Variants in ZNF385A observed in about 807,000 individuals in gnomAD.
The protein encoded by ZNF385A is hematopoietic zinc finger protein.
In ZNF385A, 14 loss-of-function variants were observed where a neutral mutation model predicts 32.1. The ratio of observed to expected loss-of-function variants is 0.44; its 90% CI spans 0.29 to 0.68. The LOEUF (loss-of-function observed/expected upper bound fraction) is 0.68, where lower values mean the gene tolerates loss of function less well. Among genes scored for constraint, ZNF385A ranks in the 30% least tolerant of loss-of-function variants. The pLI, the probability that ZNF385A is intolerant of heterozygous loss-of-function variation, is 0.14. For missense variants in ZNF385A, 406 were observed against 478.4 expected (o/e 0.85, Z 1.41); for synonymous variants, 197 against 202.7 (o/e 0.97, Z 0.24).
At chr12:54,390,353 C>A (rs914849903) in intron 1 of ZNF385A, among the ~76,000 whole-genome samples, 10 of 152,110 alleles carry the variant, frequency 6.6e-5, no homozygotes, top group African/African-American at 2.2e-4. Context: ...CCCTGGGGCT[C>A]CCTTCCTGAT....
At position 54,374,048 on chromosome 12, in the gene ZNF385A, C is replaced by G; in HGVS notation, c.286G>C (p.Gly96Arg). 1.2e-6 allele frequency: 2 copies of G among 1,601,652 alleles called. No individual in the cohort carries two copies. Among genetic ancestry groups the G allele is most frequent in the Non-Finnish European group, 8.5e-7 (1 of 1,171,762 alleles). ...EAAKTRGREP[G>R]VREPGDPAPP... ...GCTGGGTCTCCAGGTTCTCGGACGC[C>G]AGGCTCCCTGCCTCTGGTCTTGGCA... Residue 96 changes from glycine (G) to arginine (R), a missense_variant, in exon 3 of 7, where the codon GGC becomes CGC. Physicochemically the swap from Gly to Arg is moderately radical, Grantham distance 125. Transcript: ENST00000394313.
Position 54,371,067 on chromosome 12 carries a change from G to C in ZNF385A, c.634C>G (p.Arg212Gly). Residue 212 changes from arginine to glycine, a missense_variant, in exon 5 of 7, where the codon CGA (arginine) becomes GGA (glycine). Arg to Gly is a moderately radical substitution (Grantham distance 125). Transcript: ENST00000394313. Reference sequence around the variant, plus strand: ...GCTTTGATGGGCCCGAGCCCACTTCGGGCCTCCAGAATTGTCTTGTGCTTA... The same window carrying C: ...GCTTTGATGGGCCCGAGCCCACTTCCGGCCTCCAGAATTGTCTTGTGCTTA... ...GTKHKTILEA[R>G]SGLGPIKAYP... 1 of 1,611,920 alleles carries C rather than the reference G, an allele frequency of 6.2e-7. No homozygotes were observed. The highest frequency in any genetic ancestry group is 8.5e-7 in the Non-Finnish European group (1 of 1,179,180).
In ZNF385A at chr12:54,378,055, T is replaced by C. The variant is rs528446145; in HGVS notation, c.88-2101A>G. Among the ~76,000 whole-genome samples the C allele has an allele frequency of 5.3e-5, 8 of 152,176 alleles. No homozygotes were observed. In the South Asian group the frequency reaches 1.7e-3, roughly 32 times the overall value. On this transcript the variant is annotated intron_variant, in intron 1 of 6. Coordinates refer to ENST00000394313, the MANE Select transcript of ZNF385A (RefSeq NM_015481.3). ...TTCCTCCAGGGTGAGAACCTTAGCT[T>C]TTGCACAACCCCCTCCCCTGGTTTA...
At position 54,371,586 on chromosome 12, in the gene ZNF385A, G is replaced by A. The variant is rs1191560816; in HGVS notation, c.491C>T (p.Ala164Val). ...TKGEGGTPAP[A>V]SLPGGSKEEE... ...TTCCTTGCTACCCCCAGGCAAGGAA[G>A]CCGGGGCTGGAGTCCCCCCTTCACC... Residue 164 changes from alanine (A) to valine (V), a missense_variant, in exon 4 of 7, where the codon GCT becomes GTT. Physicochemically the swap from Ala to Val is moderately conservative, Grantham distance 64. Transcript: ENST00000394313. 6.2e-7 allele frequency: 1 copy of A among 1,613,724 alleles called. No homozygotes were observed. Among genetic ancestry groups the A allele is most frequent in the Non-Finnish European group, 8.5e-7 (1 of 1,179,824 alleles).
rs775000290 is a variant in ZNF385A at position 54,371,661 on chromosome 12, C to T, written c.416G>A (p.Gly139Asp). ...CGGAATGCTGGGAGGGGATGGGGAG[C>T]CAGGCTGTTTCTCTGGGGATCCTGG... is the stretch of plus-strand genomic sequence containing the variant. ...PAPGSPEKQP[G>D]SPSPPSIPET... is the part of the protein sequence containing the mutation. The change falls in exon 4 of 7, where the codon GGC (glycine) becomes GAC (aspartate). Residue 139 changes from glycine (G) to aspartate (D), a missense_variant. Transcript: ENST00000394313. 5.0e-6 allele frequency: 8 copies of T among 1,610,130 alleles called. No individual in the cohort carries two copies. Among genetic ancestry groups the T allele is most frequent in the South Asian group, 1.1e-5 (1 of 90,882 alleles).
chr12:54,374,250 G>A (rs1954721968), intron 2 of ZNF385A, 115 bp from the exon 3 acceptor site: 1 of 982,664 alleles, frequency 1.0e-6, no homozygotes, highest in Non-Finnish European at 1.4e-6. Context: ...GAATTTTTCT[G>A]TACACCAGTG....
intron 1 of ZNF385A, among the ~76,000 whole-genome samples, chr12:54,381,959 C>T (rs1489083152): frequency 6.6e-6 from 1 of 152,138 alleles, no homozygotes; most frequent in Non-Finnish European, 1.5e-5. Flanking sequence ...ATCCTTCCTA[C>T]CAAACTATGA....
At chr12:54,384,864 C>A (rs1955389822), upstream of ZNF385A, 2 of 1,123,460 alleles carry the variant, frequency 1.8e-6, no homozygotes, top group African/African-American at 1.6e-5. Context: ...CATACCTTTT[C>A]TGCAGGCTGC....
At position 54,379,023 on chromosome 12, in the gene ZNF385A, C is replaced by T. The variant is rs1205591137; in HGVS notation, c.88-3069G>A. On this transcript the variant is annotated intron_variant, in intron 1 of 6. Transcript: ENST00000394313. ...GGGACGGGGTGGGGGTGCGCTGCGG[C>T]AGCCGCGGGAGTCAGGGAGAGAGGA... The T allele has an allele frequency of 3.0e-5, 29 of 981,114 alleles. No homozygotes were observed. The East Asian group carries it at 1.3e-3, about 43-fold the overall frequency. The allele number at this position is 981,114 out of a possible 1,614,324, so 60.8% of individuals were successfully genotyped here.
At chr12:54,371,442 A>G in intron 4 of ZNF385A, 31 bp downstream of exon 4, 1 of 1,592,714 alleles carries the variant, frequency 6.3e-7, no homozygotes, top group Non-Finnish European at 8.5e-7. Flanking sequence ...TGAGGACAGG[A>G]GAGTCTGGGT....
intron 1 of ZNF385A, among the ~76,000 whole-genome samples, chr12:54,381,974 C>T (rs1955203731): frequency 6.6e-6 from 1 of 152,126 alleles, no homozygotes; most frequent in South Asian, 2.1e-4. Flanking sequence ...CTATGAGCTC[C>T]CCAAGTGTGG....
upstream of ZNF385A, chr12:54,384,811 CT>C: frequency 8.2e-7 from 1 of 1,224,364 alleles, no homozygotes; most frequent in Non-Finnish European, 1.0e-6. Flanking sequence ...TCCAGCCTCC[CT>C]CCCCCAAACT....
chr12:54,386,343 T>TCAGACATACAAACAGAGAGACACTG (rs1294002660), upstream of ZNF385A, among the ~76,000 whole-genome samples: 7 of 151,072 alleles, frequency 4.6e-5, no homozygotes, highest in Admixed American at 2.0e-4. Flanking sequence ...GAGAGCGAAA[T>TCAGACATACAAACAGAGAGACACTG]CAGACATACA....
chr12:54,390,439 C>T (rs73113384), intron 1 of ZNF385A, among the ~76,000 whole-genome samples: 3 of 152,010 alleles, frequency 2.0e-5, no homozygotes, highest in African/African-American at 7.3e-5. Context: ...CCCATACTTA[C>T]CCTCTCCATT....
intron 3 of ZNF385A, 122 bp downstream of exon 3, chr12:54,373,851 G>T: frequency 1.8e-6 from 2 of 1,095,230 alleles, no homozygotes; most frequent in East Asian, 2.8e-5. Context: ...CTCACCTTGG[G>T]TGGGGGTGGG....
chr12:54,388,853 C>T (rs1955564215), upstream of ZNF385A, among the ~76,000 whole-genome samples: 1 of 152,152 alleles, frequency 6.6e-6, no homozygotes, highest in Non-Finnish European at 1.5e-5. Context: ...ATGTATATGT[C>T]CCCTTCAGCC....
At chr12:54,385,364 A>G (rs1338538754), upstream of ZNF385A, 1 of 152,196 alleles carries the variant, frequency 6.6e-6, no homozygotes, top group Non-Finnish European at 1.5e-5. Context: ...CCTTCTCTGA[A>G]ACCTTCTCCT....
chr12:54,388,998 C>T (rs781018600), upstream of ZNF385A, among the ~76,000 whole-genome samples: 1 of 152,024 alleles, frequency 6.6e-6, no homozygotes, highest in African/African-American at 2.4e-5. Flanking sequence ...TGGATGTGGG[C>T]GGGGACTGGG....
At chr12:54,386,173 G>GACACACAC (rs57780822), upstream of ZNF385A, among the ~76,000 whole-genome samples, 410 of 138,112 alleles carry the variant, frequency 3.0e-3, 1 homozygote, top group African/African-American at 9.2e-3. Flanking sequence ...GTGGAGAGAG[G>GACACACAC]ACACACACAC....
Sources: gnomAD v4.1 joint callset for allele counts (sites outside exome capture counted in the v4.1 genomes callset) on GRCh38, gnomAD v4.1.1 for gene constraint, MANE v1.5 for transcripts, NCBI Gene and HGNC (gene_info 2026-07-23, HGNC 2026-07-21) for gene names.